CSMD3: variants seen among roughly 807,000 people sequenced by gnomAD.
CSMD3 encodes the protein CUB and Sushi multiple domains 3.
CSMD3 carries 177 observed loss-of-function variants against 435.2 expected under a neutral mutation model. That is an observed-to-expected ratio of 0.41 (90% CI 0.36 to 0.46). The LOEUF (loss-of-function observed/expected upper bound fraction) is 0.46, where lower values mean the gene tolerates loss of function less well. CSMD3 is among the 20% of genes least tolerant of loss of function. The probability of loss-of-function intolerance (pLI) is 0.34; values close to 1 mark genes in which losing one functional copy is unlikely to be tolerated. For synonymous variants in CSMD3, 1,656 were observed against 1,520.5 expected (o/e 1.09, Z -2.07); for missense variants, 4,265 against 4,504.6 (o/e 0.95, Z 1.52).
At chr8:113,179,276 CAAT>C (rs768273411) in intron 3 of CSMD3, among the ~76,000 whole-genome samples, 1 of 151,490 alleles carries the variant, frequency 6.6e-6, no homozygotes, top group Non-Finnish European at 1.5e-5. Flanking sequence ...ATTATTAACT[CAAT>C]AAATTGCAGT....
intron 30 of CSMD3, among the ~76,000 whole-genome samples, chr8:112,495,489 T>A (rs1415775839): frequency 1.3e-5 from 2 of 152,218 alleles, no homozygotes; most frequent in African/African-American, 4.8e-5. Context: ...AATTTTACAT[T>A]GCTAGCCTCA....
chr8:112,358,101 G>A (rs1370070248), intron 38 of CSMD3, among the ~76,000 whole-genome samples: 3 of 152,202 alleles, frequency 2.0e-5, no homozygotes, highest in Admixed American at 2.0e-4. Flanking sequence ...TGACCTGGAT[G>A]TGAGACATGG....
intron 1 of CSMD3, among the ~76,000 whole-genome samples, chr8:113,423,204 G>A (rs1246579324): frequency 1.3e-5 from 2 of 152,054 alleles, no homozygotes; most frequent in East Asian, 3.9e-4. Flanking sequence ...ACCTCAAAAA[G>A]TGTCACATTC....
chr8:112,906,146 T>C (rs1470855468), intron 10 of CSMD3, among the ~76,000 whole-genome samples: 3 of 151,362 alleles, frequency 2.0e-5, no homozygotes, highest in Non-Finnish European at 4.4e-5. Context: ...CATTTCTTCT[T>C]TAAGACACCG....
intron 27 of CSMD3, among the ~76,000 whole-genome samples, chr8:112,533,990 TA>T (rs1218238951): frequency 6.6e-6 from 1 of 151,968 alleles, no homozygotes; most frequent in East Asian, 1.9e-4. Context: ...ACATGGAAAT[TA>T]AATGACATGC....
intron 3 of CSMD3, among the ~76,000 whole-genome samples, chr8:113,260,405 TC>T (rs1030099164): frequency 2.6e-5 from 4 of 152,132 alleles, no homozygotes; most frequent in African/African-American, 9.7e-5. Flanking sequence ...GGAGTTCCTC[TC>T]CTGTAAAAAG....
intron 56 of CSMD3, among the ~76,000 whole-genome samples, chr8:112,291,036 T>C (rs1819711937): frequency 1.3e-5 from 2 of 152,030 alleles, no homozygotes; most frequent in Non-Finnish European, 1.5e-5. Context: ...TGATGTATAT[T>C]AACATTTATT....
intron 7 of CSMD3, 55 bp from the exon 8 acceptor site, chr8:112,954,816 A>C: frequency 9.1e-7 from 1 of 1,099,544 alleles, no homozygotes; most frequent in Non-Finnish European, 1.4e-6. Flanking sequence ...TTAAAATGAA[A>C]TTCAAGTTAA....
chr8:112,694,743 A>G (rs2076215009), intron 13 of CSMD3, among the ~76,000 whole-genome samples: 1 of 152,100 alleles, frequency 6.6e-6, no homozygotes, highest in African/African-American at 2.4e-5. Context: ...TAAAGTCTTA[A>G]TCACCATGCT....
chr8:113,073,443 T>C (rs919186464), intron 5 of CSMD3, among the ~76,000 whole-genome samples: 1 of 151,896 alleles, frequency 6.6e-6, no homozygotes, highest in Non-Finnish European at 1.5e-5. Context: ...TAATTCTTAC[T>C]GCTCACTAGA....
intron 1 of CSMD3, among the ~76,000 whole-genome samples, chr8:113,416,852 A>G (rs890206020): frequency 6.6e-6 from 1 of 152,108 alleles, no homozygotes; most frequent in African/African-American, 2.4e-5. Flanking sequence ...CTCTTTAGCA[A>G]TCTTTGATTC....
chr8:113,024,425 A>G (rs2086798758), intron 5 of CSMD3, among the ~76,000 whole-genome samples: 1 of 152,132 alleles, frequency 6.6e-6, no homozygotes, highest in African/African-American at 2.4e-5. Context: ...ATAGGAGTTC[A>G]TATAGTTCTT....
chr8:113,167,823 A>T (rs948126898), intron 4 of CSMD3, among the ~76,000 whole-genome samples: 1 of 152,206 alleles, frequency 6.6e-6, no homozygotes, highest in Non-Finnish European at 1.5e-5. Context: ...TTAGCATCAA[A>T]TATAACTGCT....
At chr8:113,244,852 C>G (rs2093259408) in intron 3 of CSMD3, among the ~76,000 whole-genome samples, 1 of 151,872 alleles carries the variant, frequency 6.6e-6, no homozygotes, top group South Asian at 2.1e-4. Context: ...TTTTCTCATT[C>G]ATATTTTGCC....
intron 1 of CSMD3, among the ~76,000 whole-genome samples, chr8:113,319,076 G>C (rs1314461439): frequency 2.0e-5 from 3 of 151,914 alleles, no homozygotes; most frequent in Non-Finnish European, 4.4e-5. Flanking sequence ...AAGAGGAGTT[G>C]CTGGGTCATA....
chr8:112,675,011 A>C (rs1330126213), intron 16 of CSMD3, among the ~76,000 whole-genome samples: 1 of 152,170 alleles, frequency 6.6e-6, no homozygotes, highest in Non-Finnish European at 1.5e-5. Context: ...GGGATGGCAG[A>C]GGTTATGATT....
At chr8:112,686,457 GATATATTATCTTCCAAAGTTTT>G (rs1489349790) in intron 14 of CSMD3, among the ~76,000 whole-genome samples, 2 of 151,220 alleles carry the variant, frequency 1.3e-5, no homozygotes, top group African/African-American at 4.9e-5. Flanking sequence ...TTTAAGTATT[GATATATTATCTTCCAAAGTTTT>G]CATTACATTT....
intron 13 of CSMD3, among the ~76,000 whole-genome samples, chr8:112,726,016 G>A (rs948823520): frequency 2.6e-5 from 4 of 151,836 alleles, no homozygotes; most frequent in Admixed American, 6.6e-5. Flanking sequence ...CAATTATGGC[G>A]GAAGGCAAAA....
intron 1 of CSMD3, among the ~76,000 whole-genome samples, chr8:113,434,803 C>A (rs1041809560): frequency 6.6e-6 from 1 of 152,174 alleles, no homozygotes; most frequent in African/African-American, 2.4e-5. Flanking sequence ...TGCGGGCAGC[C>A]GGGGCTCTAA....
Sources: allele counts gnomAD v4.1 joint callset (sites outside exome capture counted in the v4.1 genomes callset), GRCh38; gene constraint gnomAD v4.1.1; transcripts MANE v1.5; gene names NCBI Gene and HGNC (gene_info 2026-07-23, HGNC 2026-07-21).